Variants in ANGPTL6 observed in about 807,000 individuals in gnomAD.
The protein encoded by ANGPTL6 is angiopoietin-related protein 6.
A neutral mutation model predicts 47.4 loss-of-function variants in ANGPTL6; 45 were observed. The observed-to-expected ratio is 0.95, with a 90% CI of 0.75 to 1.22. ANGPTL6 has a LOEUF of 1.22. Among genes scored for constraint, ANGPTL6 ranks in the 50% most tolerant of loss-of-function variants. The pLI is 0.00. For missense variants in ANGPTL6, 698 were observed against 669.4 expected, an observed-to-expected ratio of 1.04 and a Z score of -0.47; for synonymous variants, 290 against 295.9, an observed-to-expected ratio of 0.98 and a Z score of 0.20.
In ANGPTL6 at chr19:10,092,798, T is replaced by C; in HGVS notation, c.1223-19A>G. On this transcript the variant is annotated intron_variant, in intron 5 of 5. Coordinates refer to ENST00000253109, the MANE Select transcript of ANGPTL6 (RefSeq NM_031917.3). Reference sequence around the variant, plus strand: ...CAGTTACCTGAGGGGAGAGAGAGAGTCCATGTCCTCTCACCAGAATAAAAG... The same window carrying C: ...CAGTTACCTGAGGGGAGAGAGAGAGCCCATGTCCTCTCACCAGAATAAAAG... The C allele has an allele frequency of 1.3e-6, 2 of 1,565,902 alleles. No individual in the cohort carries two copies. Among genetic ancestry groups the C allele is most frequent in the Non-Finnish European group, 1.7e-6 (2 of 1,148,850 alleles).
Position 10,095,985 on chromosome 19 carries a change from C to A in ANGPTL6, c.579G>T (p.Gln193His). 1 of 1,326,992 alleles carries A rather than the reference C, an allele frequency of 7.5e-7. No homozygotes were observed. Among genetic ancestry groups the A allele is most frequent in the Non-Finnish European group, 9.7e-7 (1 of 1,035,120 alleles). 82.2% of individuals were successfully genotyped at this position (1,326,992 alleles called of 1,614,324 possible). A position where few individuals can be genotyped will look rare whatever the true frequency, so the allele number is the denominator to read the frequency against. Residue 193 changes from glutamine (Q) to histidine (H), a missense_variant, in exon 2 of 6, where the codon CAG becomes CAT. Gln to His is a conservative substitution (Grantham distance 24, BLOSUM62 0). Transcript: ENST00000253109. Reference sequence around the variant, plus strand: ...TCCGGGGAGGCTGCGAGGTTACCTGCTGCTGCCCGCCCGCGCCTCCCGGGC... The same window carrying A: ...TCCGGGGAGGCTGCGAGGTTACCTGATGCTGCCCGCCCGCGCCTCCCGGGC... ...RLCPGGAGGQ[Q>H]QVLPPPPLVP...
chr19:10,093,137 T>C, intron 5 of ANGPTL6: 1 of 619,230 alleles, frequency 1.6e-6, no homozygotes, highest in Non-Finnish European at 2.7e-6. Flanking sequence ...GGAGTCTTGA[T>C]TCTTTTTTTG....
At chr19:10,096,722 C>T (rs2088555118) in intron 1 of ANGPTL6, 149 bp from the exon 2 acceptor site, 3 of 579,382 alleles carry the variant, frequency 5.2e-6, no homozygotes, top group Admixed American at 4.1e-5. Context: ...GGCTGGAGGG[C>T]CCCAGGGTGA....
rs748464109 is a variant in ANGPTL6, at chr19:10,095,981, C to CCTG, written c.580_582dup (p.Gln194dup). ...GCTCTCCGGGGAGGCTGCGAGGTTA[C>CCTG]CTGCTGCTGCCCGCCCGCGCCTCCC... On this transcript the variant is annotated inframe_insertion and splice_region_variant. Transcript: ENST00000253109. 22 of 1,322,472 alleles carry CCTG rather than the reference C, an allele frequency of 1.7e-5. No homozygotes were observed. Among genetic ancestry groups the CCTG allele is most frequent in the Non-Finnish European group, 2.1e-5 (22 of 1,032,904 alleles). 81.9% of individuals were successfully genotyped at this position (1,322,472 alleles called of 1,614,324 possible).
In ANGPTL6 at chr19:10,096,582, AGAGGAG is replaced by A; in HGVS notation, c.-10-15_-10-10del. ...TCCCCATCGCGGCGGACCTGCAGGC[AGAGGAG>A]GAACGGAAGGAAGACGGGGTGCTGG... On this transcript the variant is annotated splice_polypyrimidine_tract_variant and intron_variant, in intron 1 of 5. Transcript: ENST00000253109. The A allele has an allele frequency of 6.7e-7, 1 of 1,483,672 alleles. No individual in the cohort carries two copies. The highest frequency in any genetic ancestry group is 1.2e-5 in the South Asian group (1 of 80,012). The allele number at this position is 1,483,672 out of a possible 1,614,324, so 91.9% of individuals were successfully genotyped here.
In ANGPTL6 at chr19:10,092,742, G is replaced by A; in HGVS notation, c.1260C>T (p.Tyr420=). 6.2e-7 allele frequency: 1 copy of A among 1,611,394 alleles called. No homozygotes were observed. Among genetic ancestry groups the A allele is most frequent in the Non-Finnish European group, 8.5e-7 (1 of 1,177,828 alleles). The change falls in exon 6 of 6, where the codon TAC becomes TAT. Residue 420 remains tyrosine (Y), a synonymous_variant. Coordinates refer to ENST00000253109, the MANE Select transcript of ANGPTL6 (RefSeq NM_031917.3). ...CALYQRGGWW[Y]HACAHSNLNG... ...TGAGGTTGGAGTGGGCACAGGCATG[G>A]TACCACCAGCCTCCCCGCTGGTACA...
At chr19:10,105,911 G>A (rs1057136320), upstream of ANGPTL6, among the ~76,000 whole-genome samples, 12 of 152,338 alleles carry the variant, frequency 7.9e-5, no homozygotes, top group Non-Finnish European at 1.6e-4. Context: ...GGGGTACCCG[G>A]GGAGGACAGC....
intron 1 of ANGPTL6, 123 bp downstream of exon 1, chr19:10,102,445 A>T (rs1599295343): frequency 1.8e-6 from 1 of 553,618 alleles, no homozygotes; most frequent in South Asian, 7.7e-5. Flanking sequence ...TGTGTATAAC[A>T]CCCGCTGCCT....
At position 10,092,592 on chromosome 19, in the gene ANGPTL6, C is replaced by T. The variant is rs2088415471; in HGVS notation, c.1410G>A (p.Leu470=). 1 of 1,602,412 alleles carries T rather than the reference C, an allele frequency of 6.2e-7. No homozygotes were observed. Among genetic ancestry groups the T allele is most frequent in the Non-Finnish European group, 8.5e-7 (1 of 1,171,752 alleles). Residue 470 remains leucine (L), a synonymous_variant, in exon 6 of 6, where the codon CTG becomes CTA. Coordinates refer to ENST00000253109, the MANE Select transcript of ANGPTL6 (RefSeq NM_031917.3). Reference sequence around the variant, plus strand: ...TAGGGGACAGAGGAACACAGAGTCACAGCTTCAGGGGCCGAATGAGCATGG... The same window carrying T: ...TAGGGGACAGAGGAACACAGAGTCATAGCTTCAGGGGCCGAATGAGCATGG... ...KAAMLIRPLK[L] is the part of the protein sequence containing the mutation.
At position 10,096,348 on chromosome 19, in the gene ANGPTL6, GT is replaced by G; in HGVS notation, c.215del (p.His72ProfsTer32). 7.8e-7 allele frequency: 1 copy of G among 1,285,524 alleles called. No individual in the cohort carries two copies. The highest frequency in any genetic ancestry group is 9.8e-7 in the Non-Finnish European group (1 of 1,021,190). The allele number at this position is 1,285,524 out of a possible 1,614,324, so 79.6% of individuals were successfully genotyped here. ...LAALRMRVGR[H>X]EELLRELQRL... ...TCTGCAGCTCGCGTAACAGCTCCTC[GT>G]GGCGGCCGACGCGCATGCGCAGCGC... On this transcript the variant is annotated frameshift_variant, in exon 2 of 6. Coordinates refer to ENST00000253109, the MANE Select transcript of ANGPTL6 (RefSeq NM_031917.3). LOFTEE classifies it high-confidence loss of function.
At chr19:10,103,504 T>C (rs370873784), upstream of ANGPTL6, among the ~76,000 whole-genome samples, 12 of 150,820 alleles carry the variant, frequency 8.0e-5, no homozygotes, top group South Asian at 8.4e-4. Flanking sequence ...GCAGGAGAAT[T>C]GCTTGAAGCC....
chr19:10,103,353 G>A, upstream of ANGPTL6, among the ~76,000 whole-genome samples: 1 of 151,814 alleles, frequency 6.6e-6, no homozygotes, highest in Non-Finnish European at 1.5e-5. Context: ...ACTTTGGGAG[G>A]CCGGGGCAGG....
intron 1 of ANGPTL6, among the ~76,000 whole-genome samples, chr19:10,097,830 G>A (rs2088585807): frequency 6.6e-6 from 1 of 151,442 alleles, no homozygotes; most frequent in Admixed American, 6.6e-5. Flanking sequence ...CCCAGCCTGG[G>A]TGACTGAGCG....
intron 1 of ANGPTL6, among the ~76,000 whole-genome samples, chr19:10,102,040 C>T (rs1197453440): frequency 4.2e-5 from 6 of 144,038 alleles, no homozygotes; most frequent in Non-Finnish European, 7.5e-5. Flanking sequence ...GGCGTGAACC[C>T]GGAAGGCGGA....
rs774373722 is a variant in ANGPTL6 at position 10,093,451 on chromosome 19, G to A, written c.1120C>T (p.Arg374Cys). Reference protein sequence around the residue: ...FSLEPESDHYRLRLGQYHGDA... With the variant: ...FSLEPESDHYCLRLGQYHGDA... ...CCATGGTACTGGCCAAGCCGCAGGC[G>A]GTAGTGGTCGCTCTCGGGTTCCAGG... The change falls in exon 5 of 6, where the codon CGC becomes TGC. Residue 374 changes from arginine (R) to cysteine (C), a missense_variant. By Grantham distance (180) the Arg-to-Cys change is radical. Coordinates refer to ENST00000253109, the MANE Select transcript of ANGPTL6 (RefSeq NM_031917.3). 1.7e-5 allele frequency: 27 copies of A among 1,614,090 alleles called. No homozygotes were observed. Among genetic ancestry groups the A allele is most frequent in the African/African-American group, 2.7e-5 (2 of 74,930 alleles).
upstream of ANGPTL6, among the ~76,000 whole-genome samples, chr19:10,104,029 G>C (rs1348130238): frequency 7.2e-6 from 1 of 138,216 alleles, no homozygotes; most frequent in Non-Finnish European, 1.5e-5. Flanking sequence ...GGGGGCGGAG[G>C]TTGCAGTGAG....
chr19:10,099,612 C>CT (rs1422019756), intron 1 of ANGPTL6, among the ~76,000 whole-genome samples: 2 of 147,968 alleles, frequency 1.4e-5, no homozygotes, highest in Non-Finnish European at 3.0e-5. Context: ...CTTGTGCTAT[C>CT]TGCCATATCC....
Position 10,096,360 on chromosome 19 carries a change from G to T in ANGPTL6, c.204C>A (p.Arg68=). ...GTAACAGCTCCTCGTGGCGGCCGAC[G>T]CGCATGCGCAGCGCCGCCAGCTCGC... ...NASELAALRM[R]VGRHEELLRE... Residue 68 remains arginine (R), a synonymous_variant, in exon 2 of 6, where the codon CGC becomes CGA. Transcript: ENST00000253109. 3.1e-6 allele frequency: 4 copies of T among 1,283,858 alleles called. No homozygotes were observed. The highest frequency in any genetic ancestry group is 2.9e-6 in the Non-Finnish European group (3 of 1,019,874). 79.5% of individuals were successfully genotyped at this position (1,283,858 alleles called of 1,614,324 possible).
At chr19:10,098,644 G>C (rs2088602623) in intron 1 of ANGPTL6, among the ~76,000 whole-genome samples, 1 of 152,068 alleles carries the variant, frequency 6.6e-6, no homozygotes, top group African/African-American at 2.4e-5. Context: ...GACCAACATA[G>C]TGAAACCCCA....
Sources: allele counts gnomAD v4.1 joint callset (sites outside exome capture counted in the v4.1 genomes callset), GRCh38; gene constraint gnomAD v4.1.1; transcripts MANE v1.5; gene names NCBI Gene and HGNC (gene_info 2026-07-23, HGNC 2026-07-21).